Variants in PDE6B observed in about 807,000 individuals in gnomAD.
PDE6B encodes rod cGMP-specific 3',5'-cyclic phosphodiesterase subunit beta.
PDE6B carries 106 observed loss-of-function variants against 109.0 expected under a neutral mutation model. That is an observed-to-expected ratio of 0.97 (90% confidence interval 0.83 to 1.14). The LOEUF is 1.14. PDE6B is among the 50% of genes most tolerant of loss of function. The pLI, the probability that PDE6B is intolerant of heterozygous loss-of-function variation, is 0.00. For missense variants in PDE6B, 1,193 were observed against 1,155.6 expected, an observed-to-expected ratio of 1.03 and a Z score of -0.47; for synonymous variants, 490 against 471.3, an observed-to-expected ratio of 1.04 and a Z score of -0.51.
At chr4:642,252 A>T (rs1037307861) in intron 3 of PDE6B, among the ~76,000 whole-genome samples, 12 of 151,474 alleles carry the variant, frequency 7.9e-5, no homozygotes, top group Non-Finnish European at 1.5e-4. Flanking sequence ...TGGGTGGATC[A>T]CCTGAGGTCG....
Position 636,080 on chromosome 4 carries a change from G to C in PDE6B, c.711+111G>C. On this transcript the variant is annotated intron_variant, in intron 3 of 21. Transcript: ENST00000496514. This position sits in a 1 kb window ranked among gnomAD's most constrained non-coding sequence, Gnocchi z 4.5. ...AGGTGGTCTTGTGCTCACCTGGGTA[G>C]GTCCTGGGGTGGGCATTGCTCAGGG... The C allele has an allele frequency of 2.7e-6, 2 of 727,364 alleles. No individual in the cohort carries two copies. Among genetic ancestry groups the C allele is most frequent in the Non-Finnish European group, 5.0e-6 (2 of 398,402 alleles). 45.1% of individuals were successfully genotyped at this position (727,364 alleles called of 1,614,324 possible).
At chr4:667,548 C>G (rs566317568) in intron 20 of PDE6B, among the ~76,000 whole-genome samples, 1 of 152,270 alleles carries the variant, frequency 6.6e-6, no homozygotes, top group Admixed American at 6.5e-5. Context: ...TCCGCCTGTG[C>G]CCACCACCCC....
intron 3 of PDE6B, among the ~76,000 whole-genome samples, chr4:650,541 G>T (rs983074914): frequency 3.3e-5 from 5 of 152,234 alleles, no homozygotes; most frequent in Admixed American, 1.3e-4. Flanking sequence ...GCCCAGGAAG[G>T]CCCCAAGCGT....
rs556362685 is a variant in PDE6B, at chr4:653,708, G to T, written c.712-144G>T. 7.5e-5 allele frequency: 70 copies of T among 930,732 alleles called. No homozygotes were observed. In the East Asian group the frequency reaches 8.7e-4, roughly 12 times the overall value. 57.7% of individuals were successfully genotyped at this position (930,732 alleles called of 1,614,324 possible). A position where few individuals can be genotyped will look rare whatever the true frequency, so the allele number is the denominator to read the frequency against. On this transcript the variant is annotated intron_variant, in intron 3 of 21. Coordinates refer to ENST00000496514, the MANE Select transcript of PDE6B (RefSeq NM_000283.4). ...CCTGGCCACGGAGCCACCAATCAGGGTCTGTGCCAGGCTCCACGGCTGGGC... is the reference window on the plus strand; with the variant it reads ...CCTGGCCACGGAGCCACCAATCAGGTTCTGTGCCAGGCTCCACGGCTGGGC...
At position 653,893 on chromosome 4, in the gene PDE6B, G is replaced by T. The variant is rs149524100; in HGVS notation, c.753G>T (p.Thr251=). The T allele has an allele frequency of 6.2e-7, 1 of 1,613,868 alleles. No individual in the cohort carries two copies. The highest frequency in any genetic ancestry group is 8.5e-7 in the Non-Finnish European group (1 of 1,179,998). Reference sequence around the variant, plus strand: ...CCAACAAGGTGTTTGAGGAGCTGACGGACATCGAGAGGCAGTTCCACAAGG... The same window carrying T: ...CCAACAAGGTGTTTGAGGAGCTGACTGACATCGAGAGGCAGTTCCACAAGG... ...WSANKVFEEL[T]DIERQFHKAF... The change falls in exon 4 of 22, where the codon ACG becomes ACT. Residue 251 remains threonine (T), a synonymous_variant. Coordinates refer to ENST00000496514, the MANE Select transcript of PDE6B (RefSeq NM_000283.4).
chr4:625,685 GC>G lies in PDE6B; in HGVS notation c.61del (p.Gln21SerfsTer7). ...SFLDQNPDFA[R>X]QYFGKKLSPE... is the part of the protein sequence containing the mutation. The stretch of plus-strand genomic sequence containing the variant: ...CTGGACCAGAACCCCGATTTTGCCC[GC>G]CAGTACTTTGGGAAGAAACTGAGCC... On this transcript the variant is annotated frameshift_variant, in exon 1 of 22. Coordinates refer to ENST00000496514, the MANE Select transcript of PDE6B (RefSeq NM_000283.4). LOFTEE classifies it high-confidence loss of function. The surrounding 1 kb of genome is among the most constrained non-coding windows in gnomAD (Gnocchi z 5.0). The G allele has an allele frequency of 6.2e-7, 1 of 1,613,988 alleles. No homozygotes were observed.
chr4:642,725 C>CAAAAAAAAA (rs71636506), intron 3 of PDE6B, among the ~76,000 whole-genome samples: 1,026 of 43,286 alleles, frequency 0.024, 47 homozygotes, highest in Non-Finnish European at 0.032. Flanking sequence ...GACACTGTCT[C>CAAAAAAAAA]AAAAAAAAAA....
At chr4:639,797 CCT>C (rs901560346) in intron 3 of PDE6B, among the ~76,000 whole-genome samples, 2 of 152,064 alleles carry the variant, frequency 1.3e-5, no homozygotes, top group African/African-American at 4.8e-5. Context: ...ACGGTGAAAC[CCT>C]GTCTCTACTA....
chr4:625,628 T>TG lies in PDE6B; in HGVS notation c.3dup (p.Ser2_?1), dbSNP rs1360672926. ...CGTCTCCAGGGACAGGCAGCCACCA[T>TG]GAGCCTCAGTGAGGAGCAGGCCCGG... On this transcript the variant is annotated frameshift_variant and start_lost, in exon 1 of 22. Coordinates refer to ENST00000496514, the MANE Select transcript of PDE6B (RefSeq NM_000283.4). LOFTEE classifies it high-confidence loss of function. The surrounding 1 kb of genome is among the most constrained non-coding windows in gnomAD (Gnocchi z 5.0). The TG allele has an allele frequency of 6.2e-7, 1 of 1,609,180 alleles. No individual in the cohort carries two copies. The highest frequency in any genetic ancestry group is 2.2e-5 in the East Asian group (1 of 44,854).
intron 5 of PDE6B, 99 bp from the exon 6 acceptor site, chr4:654,725 G>A: frequency 1.3e-6 from 1 of 797,826 alleles, no homozygotes. Context: ...GGGTGTGCAT[G>A]CGTGTGGCTG....
chr4:657,608 A>G, intron 10 of PDE6B, 114 bp downstream of exon 10: 1 of 976,352 alleles, frequency 1.0e-6, no homozygotes, highest in South Asian at 1.4e-5. Context: ...CAGGTCATCC[A>G]GGGGTCACCC....
rs537746368 is a variant in PDE6B at position 663,410 on chromosome 4, C to T, written c.1920+223C>T. Among the ~76,000 whole-genome samples the T allele has an allele frequency of 6.6e-6, 1 of 152,298 alleles. No homozygotes were observed. The highest frequency in any genetic ancestry group is 2.1e-4 in the South Asian group (1 of 4,828). The stretch of plus-strand genomic sequence containing the variant: ...TGGGGAAGACAACTGGAAAGGGCCC[C>T]TCATGGGGTGGGGTGGAAGCCGAAG... On this transcript the variant is annotated intron_variant, in intron 15 of 21. Coordinates refer to ENST00000496514, the MANE Select transcript of PDE6B (RefSeq NM_000283.4). This position sits in a 1 kb window ranked among gnomAD's most constrained non-coding sequence, Gnocchi z 4.0.
rs374557720 is a variant in PDE6B at position 670,463 on chromosome 4, G to C, written c.*356G>C. ...TCACCATATTGGGCAGGCTGGTCTC[G>C]AACTCCTGACCTCAGGTGATCACCC... is the stretch of plus-strand genomic sequence containing the variant. On this transcript the variant is annotated 3_prime_UTR_variant, in exon 22 of 22. Coordinates refer to ENST00000496514, the MANE Select transcript of PDE6B (RefSeq NM_000283.4). 7.4e-5 allele frequency: 21 copies of C among 284,702 alleles called. No individual in the cohort carries two copies. The highest frequency in any genetic ancestry group is 1.2e-4 in the Non-Finnish European group (18 of 145,696). 17.6% of individuals were successfully genotyped at this position (284,702 alleles called of 1,614,324 possible).
Position 663,682 on chromosome 4 carries a change from C to G in PDE6B, c.1921-88C>G. On this transcript the variant is annotated intron_variant, in intron 15 of 21. Transcript: ENST00000496514. This position sits in a 1 kb window ranked among gnomAD's most constrained non-coding sequence, Gnocchi z 4.0. Reference sequence around the variant, plus strand: ...CCCGAGGGCGGGGGCGTGAGAGGCACAGGCAGCCGAGGCGGAAGGGGCGGG... The same window carrying G: ...CCCGAGGGCGGGGGCGTGAGAGGCAGAGGCAGCCGAGGCGGAAGGGGCGGG... The G allele has an allele frequency of 2.1e-6, 2 of 952,082 alleles. No homozygotes were observed. The highest frequency in any genetic ancestry group is 3.4e-6 in the Non-Finnish European group (2 of 592,620). The allele number at this position is 952,082 out of a possible 1,614,324, so 59.0% of individuals were successfully genotyped here. A position where few individuals can be genotyped will look rare whatever the true frequency, so the allele number is the denominator to read the frequency against.
intron 10 of PDE6B, among the ~76,000 whole-genome samples, chr4:658,353 A>G (rs1333864825): frequency 1.7e-5 from 2 of 115,592 alleles, no homozygotes; most frequent in Non-Finnish European, 3.4e-5. Flanking sequence ...TGGTGGGGGC[A>G]GGTCACCCAG....
intron 10 of PDE6B, among the ~76,000 whole-genome samples, chr4:658,630 C>G (rs1041029528): frequency 6.6e-6 from 1 of 152,116 alleles, no homozygotes; most frequent in Admixed American, 6.5e-5. Context: ...TCTGTCTGCA[C>G]GGCCCTGGCA....
At chr4:661,758 A>T (rs961568976) in intron 12 of PDE6B, 9 of 312,274 alleles carry the variant, frequency 2.9e-5, no homozygotes, top group African/African-American at 1.7e-4. Context: ...CCCAGCCTGC[A>T]GCCCACACAT....
In PDE6B at chr4:653,834, G is replaced by A. The variant is rs763027725; in HGVS notation, c.712-18G>A. 1 of 1,613,116 alleles carries A rather than the reference G, an allele frequency of 6.2e-7. No homozygotes were observed. Among genetic ancestry groups the A allele is most frequent in the South Asian group, 1.1e-5 (1 of 91,084 alleles). ...GGTGGGAGTGGCCACAGGCCCACAGGTGTGCCCCTCCCTCCAGGTGCTGCT... is the reference window on the plus strand; with the variant it reads ...GGTGGGAGTGGCCACAGGCCCACAGATGTGCCCCTCCCTCCAGGTGCTGCT... On this transcript the variant is annotated intron_variant, in intron 3 of 21. Transcript: ENST00000496514.
rs1164996143 is a variant in PDE6B, at chr4:665,586, C to CCT, written c.2268+260_2268+261dup. ...AGGGCCACCCGCTCATCACCAGGAG[C>CCT]CTCTGGGTCCAGGCAGCTCTGCAGG... On this transcript the variant is annotated intron_variant, in intron 19 of 21. Coordinates refer to ENST00000496514, the MANE Select transcript of PDE6B (RefSeq NM_000283.4). The surrounding 1 kb of genome is among the most constrained non-coding windows in gnomAD (Gnocchi z 4.0). Among the ~76,000 whole-genome samples the CCT allele has an allele frequency of 6.6e-6, 1 of 152,178 alleles. No individual in the cohort carries two copies.
Sources: gnomAD v4.1 joint callset for allele counts (sites outside exome capture counted in the v4.1 genomes callset) on GRCh38, gnomAD v4.1.1 for gene constraint, Gnocchi (gnomAD v3.1) non-coding constraint, MANE v1.5 for transcripts, NCBI Gene and HGNC (gene_info 2026-07-23, HGNC 2026-07-21) for gene names.